The following MBNL2 variants were observed in gnomAD, a reference collection of about 807,000 sequenced individuals.
MBNL2 encodes muscleblind like splicing regulator 2.
In MBNL2, 17 loss-of-function variants were observed where a neutral mutation model predicts 41.9. The observed-to-expected ratio is 0.41, with a 90% CI of 0.28 to 0.61. MBNL2 has a LOEUF of 0.61. MBNL2 is among the 20% of genes least tolerant of loss of function. MBNL2 has a pLI of 0.35. For synonymous variants in MBNL2, 195 were observed against 182.9 expected (o/e 1.07, Z -0.53); for missense variants, 336 against 505.6 (o/e 0.66, Z 3.22).
At chr13:97,152,575 A>C in the MBNL2 span, among the ~76,000 whole-genome samples, 484 of 152,350 alleles carry the variant, frequency 3.2e-3, no homozygotes, top group Non-Finnish European at 5.5e-3. Context: ...CATTCAGAAT[A>C]GCATCAGACT....
the MBNL2 span, among the ~76,000 whole-genome samples, chr13:97,201,314 A>G: frequency 1.3e-5 from 2 of 152,230 alleles, no homozygotes; most frequent in Non-Finnish European, 2.9e-5. Flanking sequence ...CATGTCACAT[A>G]ACAAAGTATG....
chr13:97,338,509 CTT>C (rs1256466824), intron 3 of MBNL2, among the ~76,000 whole-genome samples: 1 of 152,176 alleles, frequency 6.6e-6, no homozygotes, highest in Non-Finnish European at 1.5e-5. Context: ...AAATTCAAGC[CTT>C]TCTCTCCCCT....
At position 97,366,631 on chromosome 13, in the gene MBNL2, T is replaced by C. The variant is rs888428095; in HGVS notation, c.1048+1460T>C. On this transcript the variant is annotated intron_variant, in intron 8 of 8. Coordinates refer to ENST00000679496, the MANE Select transcript of MBNL2 (RefSeq NM_001382683.1). The surrounding 1 kb of genome is among the most constrained non-coding windows in gnomAD (Gnocchi z 4.7). ...TGATATTTAAAAAAAAAATTCTCGG[T>C]GAGAATTTTTTTTTCATGTTTATCC... 4.4e-6 allele frequency: 4 copies of C among 911,088 alleles called. No homozygotes were observed. The highest frequency in any genetic ancestry group is 1.7e-5 in the African/African-American group (1 of 59,928). 56.4% of individuals were successfully genotyped at this position (911,088 alleles called of 1,614,324 possible). A position where few individuals can be genotyped will look rare whatever the true frequency, so the allele number is the denominator to read the frequency against.
the MBNL2 span, among the ~76,000 whole-genome samples, chr13:97,189,564 A>C: frequency 6.6e-6 from 1 of 152,262 alleles, no homozygotes; most frequent in African/African-American, 2.4e-5. Context: ...GCATATGCAT[A>C]TACATATATG....
At chr13:97,294,510 G>A (rs2056718039) in intron 2 of MBNL2, among the ~76,000 whole-genome samples, 1 of 152,200 alleles carries the variant, frequency 6.6e-6, no homozygotes, top group South Asian at 2.1e-4. Flanking sequence ...TTAGCTAACT[G>A]GGAAGACAGA....
intron 1 of MBNL2, among the ~76,000 whole-genome samples, chr13:97,252,365 G>A (rs976545608): frequency 6.6e-6 from 1 of 151,940 alleles, no homozygotes; most frequent in African/African-American, 2.4e-5. Flanking sequence ...CCAGAGATAT[G>A]CCACAATCAT....
the MBNL2 span, among the ~76,000 whole-genome samples, chr13:97,184,821 A>C: frequency 2.6e-5 from 4 of 152,186 alleles, no homozygotes; most frequent in African/African-American, 9.7e-5. Flanking sequence ...TCCTGTCTGC[A>C]GTTGGCAATA....
rs7332233 is a variant in MBNL2 at position 97,225,481 on chromosome 13, G to C, written c.-605+2950G>C. 9.1e-4 allele frequency among the ~76,000 whole-genome samples: 139 copies of C among 152,302 alleles called. 1 individual carries two copies. Among genetic ancestry groups the C allele is most frequent in the African/African-American group, 3.2e-3 (135 of 41,574 alleles). The stretch of plus-strand genomic sequence containing the variant: ...AAGGTGGATAACTACAAGACATGTT[G>C]GTTGTTGAAAACATAGTTTTGGGGG... On this transcript the variant is annotated intron_variant, in intron 1 of 8. Transcript: ENST00000679496.
the MBNL2 span, among the ~76,000 whole-genome samples, chr13:97,168,608 A>G: frequency 2.0e-5 from 3 of 152,094 alleles, no homozygotes; most frequent in East Asian, 1.9e-4. Flanking sequence ...TTATTTTCCA[A>G]TGTCTCCCCA....
chr13:97,156,799 C>A, the MBNL2 span, among the ~76,000 whole-genome samples: 22 of 152,176 alleles, frequency 1.4e-4, no homozygotes, highest in Middle Eastern at 3.4e-3. Flanking sequence ...GTTACTGTAG[C>A]CTTGTAGTAT....
At chr13:97,161,099 T>G in the MBNL2 span, among the ~76,000 whole-genome samples, 1 of 152,206 alleles carries the variant, frequency 6.6e-6, no homozygotes, top group Non-Finnish European at 1.5e-5. Flanking sequence ...CTTTATCTTC[T>G]TTTTGAGAAA....
At chr13:97,212,802 C>T in the MBNL2 span, among the ~76,000 whole-genome samples, 1 of 152,306 alleles carries the variant, frequency 6.6e-6, no homozygotes, top group Admixed American at 6.5e-5. Flanking sequence ...CCCAGAAGTG[C>T]TTGTCATGAG....
At chr13:97,338,009 T>A (rs571757755) in intron 3 of MBNL2, among the ~76,000 whole-genome samples, 12 of 152,288 alleles carry the variant, frequency 7.9e-5, no homozygotes, top group African/African-American at 2.4e-4. Flanking sequence ...AATCTATCAA[T>A]ATCCACTCTT....
chr13:97,369,947 T>C (rs556274779), intron 8 of MBNL2, among the ~76,000 whole-genome samples: 1 of 152,298 alleles, frequency 6.6e-6, no homozygotes, highest in Non-Finnish European at 1.5e-5. Flanking sequence ...AATAGACAAA[T>C]TATACCTAAT....
chr13:97,215,317 G>T, the MBNL2 span, among the ~76,000 whole-genome samples: 417 of 152,282 alleles, frequency 2.7e-3, 2 homozygotes, highest in African/African-American at 9.5e-3. Flanking sequence ...AAACTGTAGT[G>T]AATTCACTGG....
At chr13:97,193,364 A>G in the MBNL2 span, among the ~76,000 whole-genome samples, 1 of 152,228 alleles carries the variant, frequency 6.6e-6, no homozygotes, top group Non-Finnish European at 1.5e-5. Context: ...ATGTGGCAAG[A>G]GTGGAAAAGC....
the MBNL2 span, among the ~76,000 whole-genome samples, chr13:97,158,435 T>TAG: frequency 6.6e-6 from 1 of 152,236 alleles, no homozygotes; most frequent in South Asian, 2.1e-4. Flanking sequence ...TGCCTTCTGC[T>TAG]AGCTTTTGAA....
chr13:97,160,047 A>G, the MBNL2 span, among the ~76,000 whole-genome samples: 1 of 152,058 alleles, frequency 6.6e-6, no homozygotes, highest in Non-Finnish European at 1.5e-5. Context: ...TCAGACGTAG[A>G]TTTGGTCTTT....
rs536756212 is a variant in MBNL2 at position 97,304,495 on chromosome 13, C to T, written c.174+28086C>T. Among the ~76,000 whole-genome samples, 50 of 152,154 alleles carry T rather than the reference C, an allele frequency of 3.3e-4. 1 individual carries two copies. Among genetic ancestry groups the T allele is most frequent in the African/African-American group, 1.1e-3 (47 of 41,510 alleles). On this transcript the variant is annotated intron_variant, in intron 2 of 8. Coordinates refer to ENST00000679496, the MANE Select transcript of MBNL2 (RefSeq NM_001382683.1). Reference sequence around the variant, plus strand: ...TCCTTTGGCATGCTATCCAGAATATCTCATATACTCTAACTCTGAACAAGA... The same window carrying T: ...TCCTTTGGCATGCTATCCAGAATATTTCATATACTCTAACTCTGAACAAGA...
Sources: gnomAD v4.1 joint callset for allele counts (sites outside exome capture counted in the v4.1 genomes callset) on GRCh38, gnomAD v4.1.1 for gene constraint, Gnocchi (gnomAD v3.1) non-coding constraint, MANE v1.5 for transcripts, NCBI Gene and HGNC (gene_info 2026-07-23, HGNC 2026-07-21) for gene names.